Variants in HOMER2 observed in about 807,000 individuals in gnomAD.
HOMER2 encodes the protein homer scaffold protein 2, also known as homer protein homolog 2.
In HOMER2, 27 loss-of-function variants were observed where a neutral mutation model predicts 47.0. That is an observed-to-expected ratio of 0.57 (90% confidence interval 0.42 to 0.79). The LOEUF (loss-of-function observed/expected upper bound fraction) is 0.79, where lower values mean the gene tolerates loss of function less well. Ranked by LOEUF, HOMER2 falls within the 30% of genes least tolerant of loss-of-function variation. HOMER2 has a pLI of 0.00. For missense variants in HOMER2, 443 were observed against 435.0 expected (o/e 1.02, Z -0.16); for synonymous variants, 161 against 163.8 (o/e 0.98, Z 0.13).
chr15:82,950,578 C>T (rs1351232105), intron 1 of HOMER2, among the ~76,000 whole-genome samples: 22 of 152,170 alleles, frequency 1.4e-4, no homozygotes, highest in Admixed American at 1.4e-3. Context: ...CAGCCCTTAG[C>T]TGCATCTCAA....
chr15:82,914,458 C>A (rs997476387), intron 1 of HOMER2, among the ~76,000 whole-genome samples: 3 of 150,766 alleles, frequency 2.0e-5, no homozygotes, highest in Admixed American at 2.0e-4. Context: ...GTGAAATAAA[C>A]CAGTCACAAA....
At chr15:82,933,524 G>A (rs377572926) in intron 1 of HOMER2, among the ~76,000 whole-genome samples, 38 of 152,236 alleles carry the variant, frequency 2.5e-4, no homozygotes, top group Admixed American at 2.6e-4. Context: ...TAGGTTTACA[G>A]GTGTGAGCCA....
At chr15:82,978,111 C>T (rs767201725) in intron 1 of HOMER2, among the ~76,000 whole-genome samples, 2 of 152,162 alleles carry the variant, frequency 1.3e-5, no homozygotes, top group Non-Finnish European at 2.9e-5. Flanking sequence ...GATCGTGCCT[C>T]TGCACTCCAG....
intron 1 of HOMER2, among the ~76,000 whole-genome samples, chr15:82,970,347 G>A (rs1019696603): frequency 1.3e-5 from 2 of 152,166 alleles, no homozygotes; most frequent in Non-Finnish European, 2.9e-5. Context: ...TATCGCCAGT[G>A]ATTTTATCAC....
At chr15:82,953,041 C>A (rs950878374), upstream of HOMER2, among the ~76,000 whole-genome samples, 3 of 152,202 alleles carry the variant, frequency 2.0e-5, no homozygotes, top group African/African-American at 7.2e-5. Flanking sequence ...GACTTTAGGG[C>A]TACCTTTACT....
At chr15:82,955,109 A>T (rs1335749696), upstream of HOMER2, among the ~76,000 whole-genome samples, 1 of 151,232 alleles carries the variant, frequency 6.6e-6, no homozygotes, top group Admixed American at 6.6e-5. Context: ...AGTACTGCTC[A>T]TAACCTACTA....
At chr15:82,907,319 T>C (rs1414323008) in intron 1 of HOMER2, among the ~76,000 whole-genome samples, 1 of 149,812 alleles carries the variant, frequency 6.7e-6, no homozygotes, top group Non-Finnish European at 1.5e-5. Context: ...ACTGTGCCAC[T>C]GCACTCCAGC....
upstream of HOMER2, among the ~76,000 whole-genome samples, chr15:82,955,303 G>A (rs564386765): frequency 1.1e-4 from 17 of 151,724 alleles, no homozygotes; most frequent in Non-Finnish European, 2.4e-4. Flanking sequence ...CCGAGTAGCT[G>A]GGGCTACAAG....
At chr15:82,881,890 G>C (rs2052532189) in intron 2 of HOMER2, among the ~76,000 whole-genome samples, 1 of 152,162 alleles carries the variant, frequency 6.6e-6, no homozygotes, top group African/African-American at 2.4e-5. Flanking sequence ...GTCATCCAGA[G>C]CTCCCAGGAG....
chr15:82,837,420 C>T (rs1313067519), exon 2 of HOMER2: 1 of 152,212 alleles, frequency 6.6e-6, no homozygotes, highest in Non-Finnish European at 1.5e-5. Context: ...GGGTCCTCAT[C>T]CAGGTTTTTT....
chr15:82,850,840 G>C (rs1280454788), intron 8 of HOMER2, among the ~76,000 whole-genome samples: 2 of 152,304 alleles, frequency 1.3e-5, no homozygotes, highest in East Asian at 3.9e-4. Context: ...CCCTGACCCT[G>C]GGCTCTCAGG....
intron 1 of HOMER2, among the ~76,000 whole-genome samples, chr15:82,906,433 C>CTTT (rs1185595370): frequency 2.8e-5 from 4 of 141,074 alleles, no homozygotes; most frequent in Non-Finnish European, 6.2e-5. Context: ...AAGAAATCCA[C>CTTT]TTTTTTTTTT....
chr15:82,937,337 G>A (rs1477214231), intron 1 of HOMER2, among the ~76,000 whole-genome samples: 1 of 152,202 alleles, frequency 6.6e-6, no homozygotes, highest in Non-Finnish European at 1.5e-5. Flanking sequence ...TTTTGTTATG[G>A]TTTGGTTTCT....
At chr15:82,844,396 G>A (rs1286781030), downstream of HOMER2, 1 of 152,072 alleles carries the variant, frequency 6.6e-6, no homozygotes, top group Non-Finnish European at 1.5e-5. Flanking sequence ...AGTATCCAAG[G>A]TACAACCTAC....
chr15:82,948,331 C>A (rs1391007228), intron 1 of HOMER2, among the ~76,000 whole-genome samples: 1 of 145,010 alleles, frequency 6.9e-6, no homozygotes, highest in African/African-American at 2.6e-5. Context: ...GCGGAGCTTG[C>A]AGTGAGCCAA....
chr15:82,936,570 T>A (rs2054147158), intron 1 of HOMER2, among the ~76,000 whole-genome samples: 1 of 152,192 alleles, frequency 6.6e-6, no homozygotes, highest in Non-Finnish European at 1.5e-5. Flanking sequence ...GTTCTCCTAT[T>A]TCTTTTTTTT....
chr15:82,928,615 A>G (rs2053915941), intron 1 of HOMER2, among the ~76,000 whole-genome samples: 2 of 152,186 alleles, frequency 1.3e-5, no homozygotes, highest in African/African-American at 2.4e-5. Context: ...ATCAAGCTGC[A>G]TTCGTTATTC....
rs1346225875 is a variant in HOMER2, at chr15:82,949,201, CAAGA to C, written c.5+3326_5+3329del. The stretch of plus-strand genomic sequence containing the variant: ...ATGTATTGACGAGAGTCAGAAGCTC[CAAGA>C]AAGATCTGAGCTAGAAATTAAAGTG... On this transcript the variant is annotated intron_variant, in intron 1 of 8. Coordinates refer to ENST00000450735, the MANE Select transcript of HOMER2 (RefSeq NM_004839.4). Among the ~76,000 whole-genome samples the C allele has an allele frequency of 4.6e-5, 7 of 152,098 alleles. No homozygotes were observed. In the East Asian group the frequency reaches 1.3e-3, roughly 29 times the overall value.
chr15:82,892,823 G>A lies in HOMER2; in HGVS notation c.24C>T (p.Thr8=). The A allele has an allele frequency of 6.3e-7, 1 of 1,596,394 alleles. No individual in the cohort carries two copies. Among genetic ancestry groups the A allele is most frequent in the Non-Finnish European group, 8.6e-7 (1 of 1,167,864 alleles). The change falls in exon 2 of 9, where the codon ACC becomes ACT. Residue 8 remains threonine, a synonymous_variant. Transcript: ENST00000450735. MGEQPIF[T]TRAHVFQIDP... ...CAATCTGGAAGACATGCGCTCGGGT[G>A]GTGAAGATGGGCTGTTCTCTGCAAT...
Sources: gnomAD v4.1 joint callset for allele counts (sites outside exome capture counted in the v4.1 genomes callset) on GRCh38, gnomAD v4.1.1 for gene constraint, MANE v1.5 for transcripts, NCBI Gene and HGNC (gene_info 2026-07-23, HGNC 2026-07-21) for gene names.